The following DOCK2 variants were observed in gnomAD, a reference collection of about 807,000 sequenced individuals.
The protein encoded by DOCK2 is dedicator of cytokinesis 2.
Under a neutral mutation model 248.9 loss-of-function variants are expected in DOCK2, and 87 were observed. The observed-to-expected ratio is 0.35, with a 90% CI of 0.29 to 0.42. DOCK2 has a LOEUF of 0.42. Ranked by LOEUF, DOCK2 falls within the 10% of genes least tolerant of loss-of-function variation. The pLI, the probability that DOCK2 is intolerant of heterozygous loss-of-function variation, is 1.00. For missense variants in DOCK2, 1,747 were observed against 2,300.2 expected, an observed-to-expected ratio of 0.76 and a Z score of 4.92; for synonymous variants, 805 against 821.6, an observed-to-expected ratio of 0.98 and a Z score of 0.35.
chr5:169,968,671 T>G (rs1221765859), intron 27 of DOCK2, among the ~76,000 whole-genome samples: 2 of 152,220 alleles, frequency 1.3e-5, no homozygotes, highest in Non-Finnish European at 2.9e-5. Flanking sequence ...AATCTTCACA[T>G]TTTTCAATTT....
chr5:169,999,232 A>G (rs1034668532), intron 30 of DOCK2, among the ~76,000 whole-genome samples: 1 of 152,196 alleles, frequency 6.6e-6, no homozygotes, highest in Non-Finnish European at 1.5e-5. Context: ...CATGAGAAGT[A>G]CGGGCTTGCA....
At chr5:169,861,777 A>G (rs1026629849) in intron 27 of DOCK2, among the ~76,000 whole-genome samples, 1 of 152,274 alleles carries the variant, frequency 6.6e-6, no homozygotes, top group Admixed American at 6.5e-5. Flanking sequence ...CCTCATAATG[A>G]TTTTAAATAT....
At position 169,678,002 on chromosome 5, in the gene DOCK2, C is replaced by T. The variant is rs1453652895; in HGVS notation, c.470+3557C>T. Among the ~76,000 whole-genome samples the T allele has an allele frequency of 2.6e-5, 4 of 152,136 alleles. No homozygotes were observed. The East Asian group carries it at 7.7e-4, about 29-fold the overall frequency. ...CAGACTGGTGCCATCTTGACAGTGG[C>T]CAGGCTGTAGATGATCCATCTTGAG... is the stretch of plus-strand genomic sequence containing the variant. On this transcript the variant is annotated intron_variant, in intron 6 of 51. Coordinates refer to ENST00000520908, the MANE Select transcript of DOCK2 (RefSeq NM_004946.3).
At chr5:170,071,701 T>G (rs1757687443) in intron 46 of DOCK2, among the ~76,000 whole-genome samples, 1 of 152,190 alleles carries the variant, frequency 6.6e-6, no homozygotes, top group South Asian at 2.1e-4. Flanking sequence ...GCTCCCCTAA[T>G]CCTATCTTAG....
In DOCK2 at chr5:170,069,011, TTCCA is replaced by T. The variant is rs1459799491; in HGVS notation, c.4645-121_4645-118del. 469 of 763,600 alleles carry T rather than the reference TTCCA, an allele frequency of 6.1e-4. 13 individuals carry two copies. In the Admixed American group the frequency reaches 0.01, roughly 17 times the overall value. 47.3% of individuals were successfully genotyped at this position (763,600 alleles called of 1,614,324 possible). ...AGTCTCTCCAGACCTGTTACTCTTGTTCCATCCACATGCCTGTGACCTCATCCTT... is the reference window on the plus strand; with the variant it reads ...AGTCTCTCCAGACCTGTTACTCTTGTTCCACATGCCTGTGACCTCATCCTT... On this transcript the variant is annotated intron_variant, in intron 45 of 51. Coordinates refer to ENST00000520908, the MANE Select transcript of DOCK2 (RefSeq NM_004946.3).
chr5:169,927,951 G>T (rs1272506083), intron 27 of DOCK2, among the ~76,000 whole-genome samples: 1 of 152,170 alleles, frequency 6.6e-6, no homozygotes, highest in Non-Finnish European at 1.5e-5. Flanking sequence ...ATGATGAGAT[G>T]GTATAACCAG....
chr5:169,791,545 A>G (rs1333388883), intron 25 of DOCK2, among the ~76,000 whole-genome samples: 1 of 152,230 alleles, frequency 6.6e-6, no homozygotes, highest in Admixed American at 6.5e-5. Context: ...TTTAAGGCCA[A>G]CTTAAGGGAG....
At chr5:169,928,734 G>A (rs571785123) in intron 27 of DOCK2, among the ~76,000 whole-genome samples, 1 of 152,308 alleles carries the variant, frequency 6.6e-6, no homozygotes, top group Non-Finnish European at 1.5e-5. Context: ...CACCTTCATA[G>A]AGAACAGTTA....
intron 46 of DOCK2, 151 bp downstream of exon 46, chr5:170,069,371 A>G: frequency 1.3e-6 from 1 of 742,006 alleles, no homozygotes; most frequent in Admixed American, 2.3e-5. Context: ...ACTCTGTATC[A>G]CACCTGAGCA....
rs1170638641 is a variant in DOCK2 at position 169,949,731 on chromosome 5, T to A, written c.2800-33337T>A. Among the ~76,000 whole-genome samples the A allele has an allele frequency of 2.0e-5, 3 of 150,894 alleles. No homozygotes were observed. In the South Asian group the frequency reaches 6.3e-4, roughly 32 times the overall value. On this transcript the variant is annotated intron_variant, in intron 27 of 51. Coordinates refer to ENST00000520908, the MANE Select transcript of DOCK2 (RefSeq NM_004946.3). ...TCAAAAGGGAACAGAGTAGGAGAGT[T>A]TCTGAGTGTACACAGAGGTGTAGCA...
chr5:169,825,112 A>T (rs1581246779), intron 26 of DOCK2, among the ~76,000 whole-genome samples: 1 of 152,230 alleles, frequency 6.6e-6, no homozygotes, highest in Non-Finnish European at 1.5e-5. Context: ...TTAAAAAGTC[A>T]GGAAACAACA....
rs76730978 is a variant in DOCK2, at chr5:169,952,648, G to A, written c.2800-30420G>A. 8.0e-3 allele frequency among the ~76,000 whole-genome samples: 1,217 copies of A among 152,184 alleles called. 64 individuals carry two copies. The East Asian group carries it at 0.13, about 17-fold the overall frequency. On this transcript the variant is annotated intron_variant, in intron 27 of 51. Coordinates refer to ENST00000520908, the MANE Select transcript of DOCK2 (RefSeq NM_004946.3). ...CCTGCTAAGAGCTCTGGAATAGAAG[G>A]GATGCACAGCACCCCACCTGCTTTT...
At chr5:170,063,380 G>A (rs1242231600) in intron 44 of DOCK2, among the ~76,000 whole-genome samples, 2 of 152,188 alleles carry the variant, frequency 1.3e-5, no homozygotes, top group African/African-American at 4.8e-5. Flanking sequence ...ACAGAGAGAT[G>A]GTTTTAAATG....
Position 169,699,569 on chromosome 5 carries a change from A to G in DOCK2, c.1132+111A>G, listed in dbSNP as rs1052937491. ...CTGGGATACTTAGCTTTCCTTCCAG[A>G]CAGACCACTGGGAAGAATGGGAACA... On this transcript the variant is annotated intron_variant, in intron 12 of 51. Transcript: ENST00000520908. The G allele has an allele frequency of 3.6e-5, 38 of 1,044,416 alleles. No individual in the cohort carries two copies. The African/African-American group carries it at 5.8e-4, about 16-fold the overall frequency. The allele number at this position is 1,044,416 out of a possible 1,614,324, so 64.7% of individuals were successfully genotyped here. A position where few individuals can be genotyped will look rare whatever the true frequency, so the allele number is the denominator to read the frequency against.
intron 22 of DOCK2, among the ~76,000 whole-genome samples, 191 bp downstream of exon 22, chr5:169,718,982 A>AG (rs1762052406): frequency 6.6e-6 from 1 of 152,260 alleles, no homozygotes; most frequent in South Asian, 2.1e-4. Flanking sequence ...GGGAAAAAAA[A>AG]GAAATCTTAA....
Position 169,935,780 on chromosome 5 carries a change from G to A in DOCK2, c.2800-47288G>A, listed in dbSNP as rs565431036. 4.6e-5 allele frequency among the ~76,000 whole-genome samples: 7 copies of A among 152,246 alleles called. No individual in the cohort carries two copies. In the South Asian group the frequency reaches 1.0e-3, roughly 23 times the overall value. On this transcript the variant is annotated intron_variant, in intron 27 of 51. Transcript: ENST00000520908. ...ACTGACTTCATAGGAGAAAAAACGCGTTGTGTAAAAATATAAAAAATCAGA... is the reference window on the plus strand; with the variant it reads ...ACTGACTTCATAGGAGAAAAAACGCATTGTGTAAAAATATAAAAAATCAGA...
chr5:169,827,249 A>G (rs895778839), intron 26 of DOCK2, among the ~76,000 whole-genome samples: 20 of 152,278 alleles, frequency 1.3e-4, no homozygotes, highest in African/African-American at 4.8e-4. Context: ...AACAGATATT[A>G]TCCTGGCCAT....
At chr5:170,049,592 T>C (rs1756842320) in intron 40 of DOCK2, among the ~76,000 whole-genome samples, 1 of 152,194 alleles carries the variant, frequency 6.6e-6, no homozygotes, top group Admixed American at 6.5e-5. Context: ...GCACTATTGA[T>C]ATTTTGGGCC....
Position 169,651,361 on chromosome 5 carries a change from C to T in DOCK2, c.44-3042C>T, listed in dbSNP as rs187425053. ...AATACGGATCTTCACTTTGAATACC[C>T]AGTTTCAAGATCTGTCCAGGACATC... On this transcript the variant is annotated intron_variant, in intron 1 of 51. Coordinates refer to ENST00000520908, the MANE Select transcript of DOCK2 (RefSeq NM_004946.3). 4.5e-4 allele frequency among the ~76,000 whole-genome samples: 68 copies of T among 152,294 alleles called. 1 individual carries two copies. The highest frequency in any genetic ancestry group is 2.9e-5 in the Non-Finnish European group (2 of 68,018).
Sources: gnomAD v4.1 joint callset for allele counts (sites outside exome capture counted in the v4.1 genomes callset) on GRCh38, gnomAD v4.1.1 for gene constraint, MANE v1.5 for transcripts, NCBI Gene and HGNC (gene_info 2026-07-23, HGNC 2026-07-21) for gene names.